The following TAB2 variants were observed in gnomAD, a reference collection of about 807,000 sequenced individuals.
TAB2 encodes the protein TGF-beta-activated kinase 1 and MAP3K7-binding protein 2.
A neutral mutation model predicts 65.0 loss-of-function variants in TAB2; 3 were observed. The ratio of observed to expected loss-of-function variants is 0.05; its 90% CI spans 0.02 to 0.12. The LOEUF (loss-of-function observed/expected upper bound fraction) is 0.12, where lower values mean the gene tolerates loss of function less well. TAB2 is among the 10% of genes least tolerant of loss of function. The pLI is 1.00. For synonymous variants in TAB2, 298 were observed against 285.1 expected, an observed-to-expected ratio of 1.05 and a Z score of -0.46; for missense variants, 623 against 840.3, an observed-to-expected ratio of 0.74 and a Z score of 3.20.
chr6:149,408,062 T>C (rs237012), intron 6 of TAB2, among the ~76,000 whole-genome samples: 87,259 of 151,918 alleles, frequency 0.57, 25,899 homozygotes, highest in African/African-American at 0.72. Flanking sequence ...GACCAAAATT[T>C]TAGTAAGTAG....
intron 1 of TAB2, chr6:149,244,533 A>T (rs569000156): frequency 6.6e-6 from 1 of 152,388 alleles, no homozygotes; most frequent in South Asian, 2.1e-4. Flanking sequence ...TGGAAATATG[A>T]GTAATAATAA....
chr6:149,403,277 TATATATACACAC>T lies in TAB2; in HGVS notation c.1939+4095_1939+4106del, dbSNP rs1479708621. On this transcript the variant is annotated intron_variant, in intron 6 of 6. Coordinates refer to ENST00000637181, the MANE Select transcript of TAB2 (RefSeq NM_001292034.3). ...ATATATATATATATATATATATATA[TATATATACACAC>T]ACACACATATATATATATATATATA... is the stretch of plus-strand genomic sequence containing the variant. Among the ~76,000 whole-genome samples the T allele has an allele frequency of 1.1e-3, 48 of 42,176 alleles. 3 individuals are homozygous for T. Among genetic ancestry groups the T allele is most frequent in the African/African-American group, 4.3e-3 (33 of 7,726 alleles). 27.7% of individuals were successfully genotyped at this position (42,176 alleles called of 152,430 possible). A position where few individuals can be genotyped will look rare whatever the true frequency, so the allele number is the denominator to read the frequency against.
At chr6:149,374,673 AAGAC>A (rs1306912029) in intron 2 of TAB2, among the ~76,000 whole-genome samples, 2 of 152,200 alleles carry the variant, frequency 1.3e-5, no homozygotes, top group East Asian at 1.9e-4. Flanking sequence ...AAATCACAAA[AAGAC>A]AGGCAAACAT....
chr6:149,251,566 T>C (rs1360313202), intron 1 of TAB2, among the ~76,000 whole-genome samples: 1 of 152,212 alleles, frequency 6.6e-6, no homozygotes, highest in Non-Finnish European at 1.5e-5. Flanking sequence ...CACGGACCCA[T>C]GGCAGTTCCA....
At position 149,275,125 on chromosome 6, in the gene TAB2, G is replaced by GTTTTTTTTTT. The variant is rs370658789; in HGVS notation, c.-121+56358_-121+56367dup. 7.4e-5 allele frequency among the ~76,000 whole-genome samples: 5 copies of GTTTTTTTTTT among 67,856 alleles called. 1 individual carries two copies. 44.5% of individuals were successfully genotyped at this position (67,856 alleles called of 152,430 possible). A position where few individuals can be genotyped will look rare whatever the true frequency, so the allele number is the denominator to read the frequency against. ...TCCCTAATTTTTTTTCTCTTCTTCT[G>GTTTTTTTTTT]TTTTTTTTTTTTTTTTTTGAGTTGG... is the stretch of plus-strand genomic sequence containing the variant. On this transcript the variant is annotated intron_variant, in intron 1 of 1. Transcript: ENST00000606202.
At chr6:149,226,278 A>G (rs962173186) in intron 1 of TAB2, among the ~76,000 whole-genome samples, 1 of 152,202 alleles carries the variant, frequency 6.6e-6, no homozygotes, top group Non-Finnish European at 1.5e-5. Flanking sequence ...CTGTAGGCTG[A>G]GAGTGAATCA....
At chr6:149,250,081 G>A (rs1449443787) in intron 1 of TAB2, among the ~76,000 whole-genome samples, 4 of 152,126 alleles carry the variant, frequency 2.6e-5, no homozygotes, top group Non-Finnish European at 4.4e-5. Flanking sequence ...TGAGAAGGGC[G>A]TGACATGAAA....
At chr6:149,401,008 A>G (rs1405947878) in intron 6 of TAB2, 2 of 243,632 alleles carry the variant, frequency 8.2e-6, no homozygotes, top group African/African-American at 4.6e-5. Flanking sequence ...TCTTATCTTT[A>G]TATTCTAGTA....
At chr6:149,260,730 C>A (rs934678412) in intron 1 of TAB2, among the ~76,000 whole-genome samples, 1 of 152,116 alleles carries the variant, frequency 6.6e-6, no homozygotes. Context: ...GAGAAGGGAG[C>A]CTGCTGGGTG....
At chr6:149,334,755 A>G (rs1048599244) in intron 1 of TAB2, among the ~76,000 whole-genome samples, 8 of 152,184 alleles carry the variant, frequency 5.3e-5, no homozygotes, top group Non-Finnish European at 1.0e-4. Context: ...TTGCCCAGAT[A>G]ACACATACTT....
intron 6 of TAB2, among the ~76,000 whole-genome samples, chr6:149,403,080 C>G (rs556338073): frequency 1.3e-5 from 2 of 151,134 alleles, no homozygotes; most frequent in East Asian, 1.9e-4. Context: ...ACTAAAAATA[C>G]AAAATTAGCC....
chr6:149,271,941 A>G (rs1373617235), intron 1 of TAB2, among the ~76,000 whole-genome samples: 1 of 152,098 alleles, frequency 6.6e-6, no homozygotes, highest in East Asian at 1.9e-4. Flanking sequence ...GACGCTGAGC[A>G]TCAACAGTGT....
chr6:149,239,420 G>A (rs1777556498), intron 1 of TAB2, among the ~76,000 whole-genome samples: 1 of 152,188 alleles, frequency 6.6e-6, no homozygotes, highest in South Asian at 2.1e-4. Context: ...CAACATCACT[G>A]TCAAAACGAG....
chr6:149,395,300 T>C (rs1178428963), intron 3 of TAB2, among the ~76,000 whole-genome samples: 3 of 152,278 alleles, frequency 2.0e-5, no homozygotes, highest in South Asian at 2.1e-4. Flanking sequence ...TCAACAGATA[T>C]GTTTAATTAG....
intron 6 of TAB2, among the ~76,000 whole-genome samples, chr6:149,407,960 C>CT (rs1782723176): frequency 6.6e-6 from 1 of 152,080 alleles, no homozygotes; most frequent in Non-Finnish European, 1.5e-5. Flanking sequence ...TCCTTATGGT[C>CT]ACTCTTCCTA....
At chr6:149,374,370 A>C (rs959506057) in intron 2 of TAB2, among the ~76,000 whole-genome samples, 5 of 151,856 alleles carry the variant, frequency 3.3e-5, no homozygotes, top group African/African-American at 1.2e-4. Flanking sequence ...CAGGTGTCCT[A>C]CTCTACCTGG....
At chr6:149,343,300 C>T (rs1029760312) in intron 1 of TAB2, among the ~76,000 whole-genome samples, 2 of 146,330 alleles carry the variant, frequency 1.4e-5, no homozygotes, top group Non-Finnish European at 3.1e-5. Flanking sequence ...GAAACCCCGC[C>T]TCCACTAAAA....
At chr6:149,382,125 T>C (rs1259121648) in intron 3 of TAB2, among the ~76,000 whole-genome samples, 2 of 152,166 alleles carry the variant, frequency 1.3e-5, no homozygotes, top group African/African-American at 2.4e-5. Context: ...CCAGCTCTTT[T>C]CCTTTTGCTT....
intron 1 of TAB2, among the ~76,000 whole-genome samples, chr6:149,281,087 G>A (rs746552642): frequency 6.8e-5 from 10 of 147,214 alleles, no homozygotes; most frequent in African/African-American, 1.1e-4. Flanking sequence ...ATGAATACAC[G>A]GGTAAATATA....
Sources: gnomAD v4.1 joint callset for allele counts (sites outside exome capture counted in the v4.1 genomes callset) on GRCh38, gnomAD v4.1.1 for gene constraint, MANE v1.5 for transcripts, NCBI Gene and HGNC (gene_info 2026-07-23, HGNC 2026-07-21) for gene names.